The following RNF6 variants were observed in gnomAD, a reference collection of about 807,000 sequenced individuals.
The protein encoded by RNF6 is ring finger protein 6.
Under a neutral mutation model 50.1 loss-of-function variants are expected in RNF6, and 21 were observed. That is an observed-to-expected ratio of 0.42 (90% CI 0.30 to 0.60). RNF6 has a LOEUF of 0.60. RNF6 is among the 20% of genes least tolerant of loss of function. The pLI is 0.20. For missense variants in RNF6, 698 were observed against 838.2 expected, an observed-to-expected ratio of 0.83 and a Z score of 2.07; for synonymous variants, 255 against 291.8, an observed-to-expected ratio of 0.87 and a Z score of 1.29.
At chr13:26,178,572 A>C (rs1354961780) in intron 5 of RNF6, among the ~76,000 whole-genome samples, 1 of 133,898 alleles carries the variant, frequency 7.5e-6, no homozygotes. Flanking sequence ...CCCTTGGCGG[A>C]CCAGGTGTCT....
At chr13:26,166,382 A>G (rs888606122) in intron 5 of RNF6, among the ~76,000 whole-genome samples, 2 of 152,232 alleles carry the variant, frequency 1.3e-5, no homozygotes, top group Non-Finnish European at 2.9e-5. Flanking sequence ...AGAAACAAAG[A>G]GCATCCAAAG....
intron 5 of RNF6, among the ~76,000 whole-genome samples, chr13:26,166,015 C>A (rs1872434126): frequency 6.6e-6 from 1 of 152,058 alleles, no homozygotes; most frequent in Non-Finnish European, 1.5e-5. Flanking sequence ...TTGGCTGTGT[C>A]CCCACCTAAA....
At chr13:26,174,770 C>CT (rs1872871551) in intron 5 of RNF6, among the ~76,000 whole-genome samples, 1 of 152,130 alleles carries the variant, frequency 6.6e-6, no homozygotes, top group Admixed American at 6.5e-5. Context: ...ATGAGAGGAC[C>CT]TCCCCAGCCC....
chr13:26,144,381 ATT>A (rs34266191), intron 5 of RNF6, among the ~76,000 whole-genome samples: 1 of 150,208 alleles, frequency 6.7e-6, no homozygotes, highest in African/African-American at 2.4e-5. Context: ...AAATATCTTC[ATT>A]TTTTTTTTTC....
chr13:26,173,143 A>G (rs774869026), intron 5 of RNF6, among the ~76,000 whole-genome samples: 15 of 152,212 alleles, frequency 9.9e-5, no homozygotes, highest in Non-Finnish European at 1.9e-4. Context: ...AAGAGTATAA[A>G]CGGATACAAC....
chr13:26,216,886 C>A (rs146092817), intron 4 of RNF6, among the ~76,000 whole-genome samples: 3,147 of 152,258 alleles, frequency 0.021, 85 homozygotes, highest in South Asian at 0.08. Context: ...ACCCGGGAGG[C>A]AGAGGTTGCA....
At chr13:26,198,415 A>C (rs1203208789) in intron 5 of RNF6, among the ~76,000 whole-genome samples, 1 of 151,864 alleles carries the variant, frequency 6.6e-6, no homozygotes, top group Non-Finnish European at 1.5e-5. Context: ...TTGAAATGCT[A>C]ATCTCATCCA....
chr13:26,218,824 A>G (rs1187252677), intron 3 of RNF6, among the ~76,000 whole-genome samples: 1 of 152,244 alleles, frequency 6.6e-6, no homozygotes, highest in Non-Finnish European at 1.5e-5. Flanking sequence ...AATTATTAAA[A>G]TAAGATTTAA....
chr13:26,189,994 T>C (rs566173144), intron 5 of RNF6, among the ~76,000 whole-genome samples: 1 of 152,296 alleles, frequency 6.6e-6, no homozygotes, highest in Non-Finnish European at 1.5e-5. Flanking sequence ...TTTCTTACAG[T>C]TCTGTGCATT....
At position 26,176,313 on chromosome 13, in the gene RNF6, A is replaced by G. The variant is rs564142777; in HGVS notation, n.768+39161T>C. The stretch of plus-strand genomic sequence containing the variant: ...TTCTCTTTTTTTTAGAGAGAGAGAC[A>G]GGGTCTTGCTCTGTCACCCAGGCTG... On this transcript the variant is annotated intron_variant and non_coding_transcript_variant, in intron 5 of 5. Transcript: ENST00000468480. Among the ~76,000 whole-genome samples the G allele has an allele frequency of 2.0e-5, 3 of 152,262 alleles. No homozygotes were observed. The East Asian group carries it at 5.8e-4, about 29-fold the overall frequency.
intron 5 of RNF6, among the ~76,000 whole-genome samples, chr13:26,159,065 A>G (rs1040949004): frequency 6.7e-6 from 1 of 148,188 alleles, no homozygotes; most frequent in Non-Finnish European, 1.5e-5. Flanking sequence ...TAAATATACT[A>G]CAATAATTAA....
At chr13:26,188,759 A>C (rs1401515440) in intron 5 of RNF6, among the ~76,000 whole-genome samples, 1 of 148,244 alleles carries the variant, frequency 6.7e-6, no homozygotes, top group Non-Finnish European at 1.5e-5. Flanking sequence ...CCTCCCAAGT[A>C]GCTGGGACTA....
chr13:26,221,162 G>A (rs913291706), intron 2 of RNF6, 86 bp downstream of exon 2: 4 of 152,146 alleles, frequency 2.6e-5, no homozygotes, highest in African/African-American at 9.7e-5. Flanking sequence ...ATAAAATCAA[G>A]TTACCCTAAT....
At chr13:26,209,229 C>T (rs1869222994), downstream of RNF6, among the ~76,000 whole-genome samples, 1 of 152,212 alleles carries the variant, frequency 6.6e-6, no homozygotes, top group Non-Finnish European at 1.5e-5. Context: ...TCTCCTCAAA[C>T]ACCTGCCTGC....
At chr13:26,178,023 T>C (rs1227848975) in intron 5 of RNF6, among the ~76,000 whole-genome samples, 1 of 151,936 alleles carries the variant, frequency 6.6e-6, no homozygotes, top group Non-Finnish European at 1.5e-5. Context: ...CCATCTCTAC[T>C]AAAAATACAA....
At chr13:26,140,435 T>C (rs558447842) in intron 5 of RNF6, among the ~76,000 whole-genome samples, 27 of 152,222 alleles carry the variant, frequency 1.8e-4, no homozygotes, top group African/African-American at 6.5e-4. Context: ...AAGTGTTCAG[T>C]AAAATCCAAC....
At position 26,153,364 on chromosome 13, in the gene RNF6, C is replaced by T. The variant is rs145835327; in HGVS notation, n.769-20913G>A. On this transcript the variant is annotated intron_variant and non_coding_transcript_variant, in intron 5 of 5. Coordinates refer to the RNF6 transcript ENST00000468480. ...GAGTAGCTGAGATTACAGGCATGCA[C>T]CACCACGTCCGGCTAATTTTTGTAT... Among the ~76,000 whole-genome samples the T allele has an allele frequency of 3.9e-3, 591 of 152,100 alleles. 5 individuals carry two copies. The highest frequency in any genetic ancestry group is 0.014 in the African/African-American group (569 of 41,518).
At chr13:26,199,427 A>G (rs7326198) in intron 5 of RNF6, among the ~76,000 whole-genome samples, 44,834 of 152,092 alleles carry the variant, frequency 0.29, 6,870 homozygotes, top group Middle Eastern at 0.36. Flanking sequence ...AATGAAAACA[A>G]CAACAATAAA....
At chr13:26,135,883 C>T (rs972020550) in intron 5 of RNF6, among the ~76,000 whole-genome samples, 2 of 152,102 alleles carry the variant, frequency 1.3e-5, no homozygotes, top group Non-Finnish European at 1.5e-5. Flanking sequence ...CACCTCCTCC[C>T]TCGCTCTCTT....
Sources: allele counts gnomAD v4.1 joint callset (sites outside exome capture counted in the v4.1 genomes callset), GRCh38; gene constraint gnomAD v4.1.1; transcripts MANE v1.5; gene names NCBI Gene and HGNC (gene_info 2026-07-23, HGNC 2026-07-21).